SYT11: variants seen among roughly 807,000 people sequenced by gnomAD.
SYT11 encodes the protein synaptotagmin 11, also known as synaptotagmin-11.
SYT11 carries 12 observed loss-of-function variants against 30.4 expected under a neutral mutation model. The ratio of observed to expected loss-of-function variants is 0.39; its 90% CI spans 0.25 to 0.64. The LOEUF (loss-of-function observed/expected upper bound fraction) is 0.64. Ranked by LOEUF, SYT11 falls within the 30% of genes least tolerant of loss-of-function variation. The pLI is 0.45. For missense variants in SYT11, 412 were observed against 552.0 expected (o/e 0.75, Z 2.54); for synonymous variants, 204 against 216.0 (o/e 0.94, Z 0.49).
rs949092132 is a variant in SYT11, at chr1:155,859,581, G to A, written c.-181G>A. On this transcript the variant is annotated 5_prime_UTR_variant, in exon 1 of 4. Transcript: ENST00000368324. ...ATCCTTAGCTCAGCGCATCCCCGGA[G>A]CATCTTAAGAGCTGAGCGCAGCTGA... The A allele has an allele frequency of 3.5e-5, 23 of 661,582 alleles. No homozygotes were observed. The highest frequency in any genetic ancestry group is 6.3e-5 in the Non-Finnish European group (23 of 365,566). 41.0% of individuals were successfully genotyped at this position (661,582 alleles called of 1,614,324 possible).
intron 2 of SYT11, among the ~76,000 whole-genome samples, chr1:155,878,358 T>C (rs376175852): frequency 6.6e-6 from 1 of 152,136 alleles, no homozygotes; most frequent in Non-Finnish European, 1.5e-5. Context: ...TGCCCACCTT[T>C]CCAGGTTCCT....
chr1:155,879,725 T>G (rs1321817315), intron 2 of SYT11, among the ~76,000 whole-genome samples: 1 of 152,216 alleles, frequency 6.6e-6, no homozygotes, highest in African/African-American at 2.4e-5. Context: ...AAGAACCAAA[T>G]GAGAGGATGC....
chr1:155,880,452 G>T (rs1436992067), intron 2 of SYT11, 48 bp from the exon 3 acceptor site: 2 of 1,607,948 alleles, frequency 1.2e-6, no homozygotes, highest in East Asian at 4.5e-5. Context: ...TTTGTGCTCT[G>T]CCCTGCACCC....
At chr1:155,863,035 T>C (rs1672617266) in intron 1 of SYT11, among the ~76,000 whole-genome samples, 3 of 152,372 alleles carry the variant, frequency 2.0e-5, no homozygotes, top group East Asian at 1.9e-4. Context: ...CTCCATTTTG[T>C]GAAAACTTTC....
chr1:155,874,114 A>G (rs1400994999), intron 2 of SYT11, among the ~76,000 whole-genome samples: 1 of 152,148 alleles, frequency 6.6e-6, no homozygotes, highest in African/African-American at 2.4e-5. Context: ...CAGCCTGGCC[A>G]ACGTGGCGGA....
chr1:155,869,912 C>A (rs1368279531), intron 2 of SYT11, among the ~76,000 whole-genome samples: 1 of 152,234 alleles, frequency 6.6e-6, no homozygotes, highest in Non-Finnish European at 1.5e-5. Flanking sequence ...TACTCTCCAG[C>A]TTACCACTTG....
intron 2 of SYT11, among the ~76,000 whole-genome samples, chr1:155,874,955 G>A (rs1179189407): frequency 1.4e-5 from 2 of 145,960 alleles, no homozygotes; most frequent in Admixed American, 1.4e-4. Context: ...CCATGGATAC[G>A]ATTAAGAGCT....
intron 1 of SYT11, among the ~76,000 whole-genome samples, chr1:155,861,692 C>T (rs1159164093): frequency 1.3e-5 from 2 of 152,276 alleles, no homozygotes; most frequent in East Asian, 3.9e-4. Context: ...GATCTTGGCC[C>T]ACCACAACCT....
At chr1:155,862,961 G>A (rs1004185872) in intron 1 of SYT11, among the ~76,000 whole-genome samples, 4 of 152,120 alleles carry the variant, frequency 2.6e-5, no homozygotes, top group Non-Finnish European at 5.9e-5. Context: ...AGACTCTTGA[G>A]GGATTCAAAG....
chr1:155,866,205 C>T (rs1354413782), intron 1 of SYT11, among the ~76,000 whole-genome samples: 4 of 151,556 alleles, frequency 2.6e-5, no homozygotes, highest in African/African-American at 9.7e-5. Flanking sequence ...CTCCACCTCC[C>T]GGCTTCAAGT....
At chr1:155,877,087 C>T (rs1672875427) in intron 2 of SYT11, among the ~76,000 whole-genome samples, 1 of 151,908 alleles carries the variant, frequency 6.6e-6, no homozygotes, top group Non-Finnish European at 1.5e-5. Context: ...CCTGCCTCAG[C>T]CTCCTAAGTA....
rs370277826 is a variant in SYT11, at chr1:155,882,043, G to GTT, written c.*546_*547dup. 6 of 139,454 alleles carry GTT rather than the reference G, an allele frequency of 4.3e-5. No individual in the cohort carries two copies. The highest frequency in any genetic ancestry group is 7.9e-5 in the African/African-American group (3 of 38,148). 8.6% of individuals were successfully genotyped at this position (139,454 alleles called of 1,614,324 possible). A position where few individuals can be genotyped will look rare whatever the true frequency, so the allele number is the denominator to read the frequency against. On this transcript the variant is annotated 3_prime_UTR_variant, in exon 4 of 4. Transcript: ENST00000368324. Reference sequence around the variant, plus strand: ...CGTGCCCGGCCTCTGGTTTTGTTTTGTTTTTTTTTTTTAATGGGGGACAAA... The same window carrying GTT: ...CGTGCCCGGCCTCTGGTTTTGTTTTGTTTTTTTTTTTTTTAATGGGGGACAAA...
At position 155,860,421 on chromosome 1, in the gene SYT11, G is replaced by A. The variant is rs1672540770; in HGVS notation, c.34+626G>A. 6.6e-6 allele frequency among the ~76,000 whole-genome samples: 1 copy of A among 152,216 alleles called. No homozygotes were observed. Among genetic ancestry groups the A allele is most frequent in the Admixed American group, 6.5e-5 (1 of 15,278 alleles). On this transcript the variant is annotated intron_variant, in intron 1 of 3. Transcript: ENST00000368324. This position sits in a 1 kb window ranked among gnomAD's most constrained non-coding sequence, Gnocchi z 4.1. ...GCTCCATTCCGCATCGTAATGGTGG[G>A]GTCCCTCCGATGCTACCAAATGGCG...
At chr1:155,867,380 G>A (rs1214398228) in intron 1 of SYT11, among the ~76,000 whole-genome samples, 1 of 152,088 alleles carries the variant, frequency 6.6e-6, no homozygotes, top group East Asian at 1.9e-4. Flanking sequence ...ATACCTGGGA[G>A]CTAAAATTTT....
intron 2 of SYT11, among the ~76,000 whole-genome samples, chr1:155,870,301 T>G (rs981791767): frequency 2.0e-5 from 3 of 152,226 alleles, no homozygotes; most frequent in Admixed American, 6.5e-5. Flanking sequence ...CTCAGTTTCT[T>G]ATGGGAATAG....
chr1:155,870,214 T>A (rs577063048), intron 2 of SYT11, among the ~76,000 whole-genome samples: 1 of 152,290 alleles, frequency 6.6e-6, no homozygotes, highest in Admixed American at 6.5e-5. Context: ...AGCAAGGACT[T>A]TGAAGTCAGA....
At chr1:155,865,726 G>A (rs1017676787) in intron 1 of SYT11, among the ~76,000 whole-genome samples, 3 of 151,734 alleles carry the variant, frequency 2.0e-5, no homozygotes, top group Non-Finnish European at 2.9e-5. Context: ...TGCCCAGGCT[G>A]GAGTGCAGTG....
chr1:155,865,077 TTACTACATGCCGC>T (rs1672648191), intron 1 of SYT11, among the ~76,000 whole-genome samples: 1 of 152,170 alleles, frequency 6.6e-6, no homozygotes, highest in African/African-American at 2.4e-5. Flanking sequence ...CACTGAACGC[TTACTACATGCCGC>T]ATAGTTCTAG....
rs543114004 is a variant in SYT11 at position 155,881,690 on chromosome 1, GT to G, written c.*191del. On this transcript the variant is annotated 3_prime_UTR_variant, in exon 4 of 4. Coordinates refer to ENST00000368324, the MANE Select transcript of SYT11 (RefSeq NM_152280.5). The stretch of plus-strand genomic sequence containing the variant: ...CTGCAGATCAGTTCTTAGCAATGAT[GT>G]TTTTTTTTCTGCTTTGCAAGGCGCT... 6.5e-5 allele frequency: 32 copies of G among 495,284 alleles called. No individual in the cohort carries two copies. Among genetic ancestry groups the G allele is most frequent in the African/African-American group, 2.0e-4 (10 of 50,390 alleles). The allele number at this position is 495,284 out of a possible 1,614,324, so 30.7% of individuals were successfully genotyped here. A position where few individuals can be genotyped will look rare whatever the true frequency, so the allele number is the denominator to read the frequency against.
Sources: allele counts gnomAD v4.1 joint callset (sites outside exome capture counted in the v4.1 genomes callset), GRCh38; gene constraint gnomAD v4.1.1; non-coding constraint Gnocchi (gnomAD v3.1); transcripts MANE v1.5; gene names NCBI Gene and HGNC (gene_info 2026-07-23, HGNC 2026-07-21).